Variants in SRPK2 observed in about 807,000 individuals in gnomAD.
SRPK2 encodes SFRS protein kinase 2.
Under a neutral mutation model 90.8 loss-of-function variants are expected in SRPK2, and 21 were observed. The observed-to-expected ratio is 0.23, with a 90% CI of 0.16 to 0.33. The LOEUF is 0.33. Among genes scored for constraint, SRPK2 ranks in the 10% least tolerant of loss-of-function variants. The probability of loss-of-function intolerance (pLI) is 1.00; values close to 1 mark genes in which losing one functional copy is unlikely to be tolerated. For synonymous variants in SRPK2, 288 were observed against 311.1 expected (o/e 0.93, Z 0.78); for missense variants, 620 against 869.0 (o/e 0.71, Z 3.60).
At chr7:105,364,405 G>GT (rs71152964) in intron 2 of SRPK2, among the ~76,000 whole-genome samples, 6,865 of 133,806 alleles carry the variant, frequency 0.051, 284 homozygotes, top group Non-Finnish European at 0.063. Flanking sequence ...CGTGTGTAAC[G>GT]TTTTTTTTTT....
At chr7:105,362,889 T>A (rs941695474) in intron 2 of SRPK2, among the ~76,000 whole-genome samples, 1 of 152,088 alleles carries the variant, frequency 6.6e-6, no homozygotes, top group African/African-American at 2.4e-5. Flanking sequence ...AGTTCCTTTG[T>A]AGGGACATGG....
chr7:105,227,817 A>G (rs959453913), intron 2 of SRPK2, among the ~76,000 whole-genome samples: 4 of 152,004 alleles, frequency 2.6e-5, no homozygotes, highest in African/African-American at 9.7e-5. Flanking sequence ...CAAAAAGTAA[A>G]AACAATCCAA....
chr7:105,175,383 T>G (rs1343845512), intron 3 of SRPK2, among the ~76,000 whole-genome samples: 2 of 151,912 alleles, frequency 1.3e-5, no homozygotes, highest in Non-Finnish European at 2.9e-5. Flanking sequence ...TAAAGCAAAC[T>G]CAGAGGGAAA....
intron 3 of SRPK2, among the ~76,000 whole-genome samples, chr7:105,197,194 C>T (rs1030378764): frequency 6.6e-6 from 1 of 152,030 alleles, no homozygotes; most frequent in Admixed American, 6.6e-5. Context: ...ACCAGTCTAC[C>T]GTTTTCACAG....
In SRPK2 at chr7:105,374,957, C is replaced by CAA. The variant is rs1225055976; in HGVS notation, c.71+13689_71+13690dup. Among the ~76,000 whole-genome samples the CAA allele has an allele frequency of 9.2e-5, 14 of 152,012 alleles. No homozygotes were observed. In the South Asian group the frequency reaches 2.9e-3, roughly 32 times the overall value. ...AATGTAAAATAAGGAAAGCAGGATA[C>CAA]AAAATCATATATAAGAGATGATAAT... is the stretch of plus-strand genomic sequence containing the variant. On this transcript the variant is annotated intron_variant, in intron 2 of 15. Transcript: ENST00000393651.
intron 2 of SRPK2, among the ~76,000 whole-genome samples, chr7:105,291,014 C>T (rs1325491273): frequency 5.6e-5 from 8 of 143,194 alleles, no homozygotes; most frequent in Admixed American, 1.4e-4. Context: ...GTCCGCAGTC[C>T]GGCCTGGGCG....
intron 8 of SRPK2, among the ~76,000 whole-genome samples, chr7:105,146,112 G>T (rs1190482422): frequency 6.6e-6 from 1 of 152,142 alleles, no homozygotes; most frequent in Non-Finnish European, 1.5e-5. Flanking sequence ...ACATAGCTAT[G>T]CTAAATGGAC....
intron 3 of SRPK2, among the ~76,000 whole-genome samples, chr7:105,182,185 C>G (rs1279093830): frequency 7.3e-6 from 1 of 137,840 alleles, no homozygotes; most frequent in Non-Finnish European, 1.5e-5. Flanking sequence ...GAGCCAAGAT[C>G]ACACCACTGC....
intron 3 of SRPK2, among the ~76,000 whole-genome samples, chr7:105,180,948 G>A (rs1168803720): frequency 3.9e-5 from 6 of 152,076 alleles, no homozygotes; most frequent in Non-Finnish European, 7.4e-5. Flanking sequence ...CCTACAGGAT[G>A]GCAGAAATAT....
intron 2 of SRPK2, among the ~76,000 whole-genome samples, chr7:105,228,206 A>G (rs1798960272): frequency 6.6e-6 from 1 of 152,164 alleles, no homozygotes; most frequent in Admixed American, 6.5e-5. Context: ...CTAATTTCAT[A>G]TGAAAAAAAG....
intron 2 of SRPK2, among the ~76,000 whole-genome samples, chr7:105,331,857 G>A (rs1014076151): frequency 1.6e-4 from 24 of 152,164 alleles, no homozygotes; most frequent in African/African-American, 5.5e-4. Flanking sequence ...GCTGACGACA[G>A]AAGGAAGAAC....
At chr7:105,263,966 G>C (rs1359696452) in intron 2 of SRPK2, among the ~76,000 whole-genome samples, 1 of 152,160 alleles carries the variant, frequency 6.6e-6, no homozygotes, top group South Asian at 2.1e-4. Context: ...AGCCAACAGT[G>C]GCAGAGCAGG....
At chr7:105,350,673 C>T (rs1386828238) in intron 2 of SRPK2, among the ~76,000 whole-genome samples, 4 of 151,894 alleles carry the variant, frequency 2.6e-5, no homozygotes, top group South Asian at 2.1e-4. Context: ...TACAGGCATA[C>T]GCCAACACAC....
intron 2 of SRPK2, among the ~76,000 whole-genome samples, chr7:105,292,575 T>A (rs552894092): frequency 1.3e-5 from 2 of 148,906 alleles, no homozygotes; most frequent in South Asian, 4.3e-4. Flanking sequence ...TTATTGGCAC[T>A]ACTCAGATAT....
intron 2 of SRPK2, among the ~76,000 whole-genome samples, chr7:105,233,553 C>T (rs1246672603): frequency 6.6e-6 from 1 of 152,106 alleles, no homozygotes; most frequent in African/African-American, 2.4e-5. Flanking sequence ...TTTATAATTC[C>T]TGTAAAAATA....
rs1408311048 is a variant in SRPK2, at chr7:105,170,778, A to AGGAAGGAAGGAAGGAC, written c.230-1514_230-1513insGTCCTTCCTTCCTTCC. Reference sequence around the variant, plus strand: ...AAGGAAGGAAGGAAGGAAGGAAGGAAGGACGGGAGGGAGGGAGGGAGGGAG... The same window carrying AGGAAGGAAGGAAGGAC: ...AAGGAAGGAAGGAAGGAAGGAAGGAAGGAAGGAAGGAAGGACGGACGGGAGGGAGGGAGGGAGGGAG... On this transcript the variant is annotated intron_variant, in intron 3 of 15. Coordinates refer to ENST00000393651, the MANE Select transcript of SRPK2 (RefSeq NM_182692.3). 7.7e-5 allele frequency among the ~76,000 whole-genome samples: 6 copies of AGGAAGGAAGGAAGGAC among 78,112 alleles called. 1 individual carries two copies. In the South Asian group the frequency reaches 1.8e-3, roughly 24 times the overall value. The allele number at this position is 78,112 out of a possible 152,430, so 51.2% of individuals were successfully genotyped here. A position where few individuals can be genotyped will look rare whatever the true frequency, so the allele number is the denominator to read the frequency against.
At chr7:105,305,463 C>T (rs1432018173) in intron 2 of SRPK2, among the ~76,000 whole-genome samples, 3 of 152,090 alleles carry the variant, frequency 2.0e-5, no homozygotes, top group Admixed American at 1.3e-4. Flanking sequence ...CTGCTGCCTA[C>T]TAGTTTATTA....
intron 2 of SRPK2, among the ~76,000 whole-genome samples, chr7:105,362,381 G>A (rs887556572): frequency 3.3e-5 from 5 of 152,144 alleles, no homozygotes; most frequent in African/African-American, 1.2e-4. Flanking sequence ...GCCAAGGCGG[G>A]TGGATCACAA....
chr7:105,272,740 C>T (rs1310937970), intron 2 of SRPK2, among the ~76,000 whole-genome samples: 1 of 152,140 alleles, frequency 6.6e-6, no homozygotes, highest in Non-Finnish European at 1.5e-5. Context: ...AACCACATAT[C>T]CTCCATTTTC....
Sources: gnomAD v4.1 joint callset for allele counts (sites outside exome capture counted in the v4.1 genomes callset) on GRCh38, gnomAD v4.1.1 for gene constraint, MANE v1.5 for transcripts, NCBI Gene and HGNC (gene_info 2026-07-23, HGNC 2026-07-21) for gene names.